The following CNKSR2 variants were observed in gnomAD, a reference collection of about 807,000 sequenced individuals.
CNKSR2 encodes the protein connector enhancer of kinase suppressor of Ras 2.
A neutral mutation model predicts 84.4 loss-of-function variants in CNKSR2; 14 were observed. The ratio of observed to expected loss-of-function variants is 0.17; its 90% CI spans 0.11 to 0.26. The LOEUF is 0.26. Ranked by LOEUF, CNKSR2 falls within the 10% of genes least tolerant of loss-of-function variation. The pLI, the probability that CNKSR2 is intolerant of heterozygous loss-of-function variation, is 1.00. For missense variants in CNKSR2, 485 were observed against 771.2 expected (o/e 0.63, Z 4.40); for synonymous variants, 275 against 277.9 (o/e 0.99, Z 0.10).
chrX:21,625,169 A>G (rs1330050330), intron 20 of CNKSR2, among the ~76,000 whole-genome samples: 2 of 112,797 alleles, frequency 1.8e-5, no homozygotes, highest in Admixed American at 9.4e-5. Context: ...AAATAAAATA[A>G]TTCAACTATT....
chrX:21,431,556 T>A (rs1484541419), intron 2 of CNKSR2, among the ~76,000 whole-genome samples: 1 of 112,022 alleles, frequency 8.9e-6, no homozygotes, highest in East Asian at 2.8e-4. Context: ...TTTTGCCATT[T>A]TAAGTAAGGT....
chrX:21,564,241 T>A (rs1391003141), intron 13 of CNKSR2, among the ~76,000 whole-genome samples: 1 of 111,296 alleles, frequency 9.0e-6, no homozygotes, highest in East Asian at 2.8e-4. Context: ...GATAAAGTAC[T>A]TAGTTTCTTT....
rs765150302 is a variant in CNKSR2, at chrX:21,427,273, A to G, written c.228+613A>G. On this transcript the variant is annotated intron_variant, in intron 2 of 21. Transcript: ENST00000379510. ...AATGCGGAAAATAAATTTAAACACC[A>G]TTTTTTTTTCTGTTTATTCAGCAAT... 2.7e-5 allele frequency: 3 copies of G among 109,124 alleles called. No homozygotes were observed. The East Asian group carries it at 8.6e-4, about 31-fold the overall frequency. 9.0% of individuals were successfully genotyped at this position (109,124 alleles called of 1,213,427 possible). A position where few individuals can be genotyped will look rare whatever the true frequency, so the allele number is the denominator to read the frequency against.
At chrX:21,375,834 C>CT (rs1264362660) in intron 1 of CNKSR2, among the ~76,000 whole-genome samples, 2 of 111,502 alleles carry the variant, frequency 1.8e-5, no homozygotes, top group African/African-American at 3.3e-5. Flanking sequence ...CAAACGTGAG[C>CT]TTTTTTTCTG....
chrX:21,595,903 A>AT (rs1462651317), intron 17 of CNKSR2, among the ~76,000 whole-genome samples: 1 of 110,351 alleles, frequency 9.1e-6, no homozygotes, highest in Non-Finnish European at 1.9e-5. Context: ...TTATATGTAC[A>AT]TTTTTTTTCT....
intron 3 of CNKSR2, among the ~76,000 whole-genome samples, chrX:21,433,670 A>G (rs1162157517): frequency 9.2e-6 from 1 of 108,129 alleles, no homozygotes; most frequent in East Asian, 2.9e-4. Flanking sequence ...ACACACACAC[A>G]CACACACACA....
chrX:21,515,708 G>A (rs767480110), intron 8 of CNKSR2, among the ~76,000 whole-genome samples: 5 of 111,801 alleles, frequency 4.5e-5, no homozygotes, highest in Admixed American at 2.9e-4. Flanking sequence ...GATGAAGAGT[G>A]AAGTAATTTT....
chrX:21,449,418 T>A (rs1380620286), intron 4 of CNKSR2, among the ~76,000 whole-genome samples: 1 of 107,022 alleles, frequency 9.3e-6, no homozygotes, highest in Admixed American at 1.0e-4. Flanking sequence ...ATAGCACCGC[T>A]AAAAAAAAAC....
At chrX:21,426,436 C>A in intron 1 of CNKSR2, 61 bp from the exon 2 acceptor site, 1 of 1,069,504 alleles carries the variant, frequency 9.4e-7, no homozygotes, top group Non-Finnish European at 1.3e-6. Context: ...CTAACCCACC[C>A]TTCACATTTA....
chrX:21,552,032 A>T (rs1458306704), intron 11 of CNKSR2, among the ~76,000 whole-genome samples: 1 of 109,876 alleles, frequency 9.1e-6, no homozygotes, highest in Non-Finnish European at 1.9e-5. Context: ...TCTAATCATG[A>T]CATCCCCTGG....
At chrX:21,414,734 C>T (rs2090393842) in intron 1 of CNKSR2, among the ~76,000 whole-genome samples, 1 of 111,711 alleles carries the variant, frequency 9.0e-6, no homozygotes, top group African/African-American at 3.3e-5. Context: ...TTGTATATAG[C>T]AGGAGATACA....
At chrX:21,569,511 C>T (rs1373748848) in intron 13 of CNKSR2, among the ~76,000 whole-genome samples, 1 of 111,813 alleles carries the variant, frequency 8.9e-6, no homozygotes, top group Non-Finnish European at 1.9e-5. Flanking sequence ...ACTTCCTCCA[C>T]TAAAGTTTAG....
intron 5 of CNKSR2, among the ~76,000 whole-genome samples, chrX:21,487,702 C>T (rs890051213): frequency 8.9e-6 from 1 of 112,050 alleles, no homozygotes; most frequent in African/African-American, 3.2e-5. Context: ...TATTTTTCTT[C>T]CTGTCAAACA....
At chrX:21,615,670 T>C (rs1255293116) in intron 20 of CNKSR2, among the ~76,000 whole-genome samples, 2 of 111,807 alleles carry the variant, frequency 1.8e-5, no homozygotes, top group African/African-American at 6.5e-5. Flanking sequence ...ATTTGTTTCA[T>C]TTATAGATTG....
At chrX:21,605,970 G>A (rs1367054888) in intron 18 of CNKSR2, among the ~76,000 whole-genome samples, 1 of 111,914 alleles carries the variant, frequency 8.9e-6, no homozygotes, top group Non-Finnish European at 1.9e-5. Context: ...CAGTTACAGG[G>A]TGGTTGGAAT....
chrX:21,474,584 G>A (rs929130596), intron 5 of CNKSR2, among the ~76,000 whole-genome samples: 1 of 111,722 alleles, frequency 9.0e-6, no homozygotes, highest in Non-Finnish European at 1.9e-5. Context: ...GTTTTTGGAG[G>A]TACCAGAGAG....
chrX:21,414,089 A>G (rs2090383378), intron 1 of CNKSR2, among the ~76,000 whole-genome samples: 2 of 111,689 alleles, frequency 1.8e-5, no homozygotes, highest in Non-Finnish European at 3.8e-5. Flanking sequence ...TATACCCAGC[A>G]GTAGGATTGC....
chrX:21,406,106 G>A (rs2090259411), intron 1 of CNKSR2, among the ~76,000 whole-genome samples: 2 of 111,211 alleles, frequency 1.8e-5, no homozygotes, highest in Admixed American at 9.5e-5. Flanking sequence ...GCTGATGAAC[G>A]AGCACTACAG....
At chrX:21,529,726 T>G (rs1246799102) in intron 10 of CNKSR2, among the ~76,000 whole-genome samples, 1 of 110,712 alleles carries the variant, frequency 9.0e-6, no homozygotes, top group Non-Finnish European at 1.9e-5. Context: ...ACACAATACA[T>G]GTATCTACTC....
Sources: gnomAD v4.1 joint callset for allele counts (sites outside exome capture counted in the v4.1 genomes callset) on GRCh38, gnomAD v4.1.1 for gene constraint, MANE v1.5 for transcripts, NCBI Gene and HGNC (gene_info 2026-07-23, HGNC 2026-07-21) for gene names.